The following TTBK2 variants were observed in gnomAD, a reference collection of about 807,000 sequenced individuals.
The protein encoded by TTBK2 is tau tubulin kinase 2.
In TTBK2, 28 loss-of-function variants were observed where a neutral mutation model predicts 110.8. The ratio of observed to expected loss-of-function variants is 0.25; its 90% CI spans 0.19 to 0.35. TTBK2 has a LOEUF of 0.35. Among genes scored for constraint, TTBK2 ranks in the 10% least tolerant of loss-of-function variants. TTBK2 has a pLI of 1.00. For missense variants in TTBK2, 1,369 were observed against 1,500.3 expected (o/e 0.91, Z 1.45); for synonymous variants, 532 against 527.3 (o/e 1.01, Z -0.12).
chr15:42,763,097 TATATACGTATATATATATATACAC>T (rs2062056814), intron 13 of TTBK2, among the ~76,000 whole-genome samples: 1 of 119,480 alleles, frequency 8.4e-6, no homozygotes, highest in African/African-American at 3.7e-5. Flanking sequence ...TATATATATA[TATATACGTATATATATATATACAC>T]ATATATATAC....
intron 3 of TTBK2, among the ~76,000 whole-genome samples, chr15:42,846,072 A>G (rs1226047556): frequency 1.3e-5 from 2 of 152,188 alleles, no homozygotes; most frequent in Non-Finnish European, 2.9e-5. Context: ...TACCTAATAC[A>G]ATGTAAATGC....
Position 42,810,752 on chromosome 15 carries a change from G to T in TTBK2, c.697-13C>A. On this transcript the variant is annotated splice_polypyrimidine_tract_variant and intron_variant, in intron 8 of 14. Coordinates refer to ENST00000267890, the MANE Select transcript of TTBK2 (RefSeq NM_173500.4). Reference sequence around the variant, plus strand: ...AGCCTACTTGCTCCTGGGAAGTAAAGAGAAAAAGAGCTACAGTCAATTTCT... The same window carrying T: ...AGCCTACTTGCTCCTGGGAAGTAAATAGAAAAAGAGCTACAGTCAATTTCT... The T allele has an allele frequency of 6.2e-7, 1 of 1,613,302 alleles. No homozygotes were observed. The highest frequency in any genetic ancestry group is 8.5e-7 in the Non-Finnish European group (1 of 1,179,732).
intron 1 of TTBK2, among the ~76,000 whole-genome samples, chr15:42,913,118 C>A (rs1359210949): frequency 8.5e-6 from 1 of 117,880 alleles, no homozygotes; most frequent in Non-Finnish European, 1.6e-5. Context: ...GGCGACAGAG[C>A]GAGACTCCGT....
intron 9 of TTBK2, chr15:42,798,122 G>C: frequency 2.3e-6 from 1 of 426,984 alleles, no homozygotes; most frequent in Non-Finnish European, 4.7e-6. Flanking sequence ...GACCTCAGGT[G>C]ATCCACCCAC....
chr15:42,825,355 T>C (rs1000100463), intron 6 of TTBK2, among the ~76,000 whole-genome samples: 1 of 152,058 alleles, frequency 6.6e-6, no homozygotes, highest in African/African-American at 2.4e-5. Context: ...ATGGAGAGTA[T>C]GTCAAGGGCT....
chr15:42,832,477 C>T (rs572382007), intron 4 of TTBK2, among the ~76,000 whole-genome samples: 7 of 152,112 alleles, frequency 4.6e-5, no homozygotes, highest in South Asian at 2.1e-4. Flanking sequence ...CATGCAGGTA[C>T]GCACTAAATT....
At chr15:42,771,834 G>A (rs1889691239) in intron 13 of TTBK2, among the ~76,000 whole-genome samples, 1 of 152,096 alleles carries the variant, frequency 6.6e-6, no homozygotes, top group Non-Finnish European at 1.5e-5. Flanking sequence ...GGTGTAAGGT[G>A]TAATCTCCTG....
intron 7 of TTBK2, among the ~76,000 whole-genome samples, chr15:42,815,766 C>T (rs1891911576): frequency 6.7e-6 from 1 of 148,914 alleles, no homozygotes; most frequent in African/African-American, 2.5e-5. Flanking sequence ...AATGATGACT[C>T]CCACATTTCA....
At chr15:42,813,739 G>A (rs1891823307) in intron 7 of TTBK2, among the ~76,000 whole-genome samples, 1 of 149,508 alleles carries the variant, frequency 6.7e-6, no homozygotes, top group African/African-American at 2.5e-5. Context: ...CCAGCTACTC[G>A]GGAGGCTGAG....
intron 1 of TTBK2, among the ~76,000 whole-genome samples, chr15:42,898,757 T>A (rs182627699): frequency 6.6e-6 from 1 of 152,328 alleles, no homozygotes; most frequent in Non-Finnish European, 1.5e-5. Context: ...TGGTAGATAA[T>A]GACTACAACT....
intron 7 of TTBK2, among the ~76,000 whole-genome samples, chr15:42,816,325 C>G (rs1482939405): frequency 6.6e-6 from 1 of 150,784 alleles, no homozygotes; most frequent in Non-Finnish European, 1.5e-5. Flanking sequence ...CTATGCTGGT[C>G]AGGCTGGTCT....
At chr15:42,848,904 C>CT (rs1175475630) in intron 3 of TTBK2, among the ~76,000 whole-genome samples, 1 of 152,168 alleles carries the variant, frequency 6.6e-6, no homozygotes, top group African/African-American at 2.4e-5. Flanking sequence ...AATATGGTTG[C>CT]TTTTTGTGGC....
intron 10 of TTBK2, among the ~76,000 whole-genome samples, chr15:42,788,292 T>C (rs979727758): frequency 6.6e-6 from 1 of 152,198 alleles, no homozygotes; most frequent in Non-Finnish European, 1.5e-5. Context: ...ACTACTTACA[T>C]GTTTGTTTGT....
chr15:42,905,846 G>A (rs2141200353), intron 1 of TTBK2, among the ~76,000 whole-genome samples: 1 of 152,238 alleles, frequency 6.6e-6, no homozygotes, highest in East Asian at 1.9e-4. Context: ...AAAGTGCTAA[G>A]ATATATGTAA....
intron 13 of TTBK2, among the ~76,000 whole-genome samples, chr15:42,774,427 C>G: frequency 6.6e-6 from 1 of 152,150 alleles, no homozygotes; most frequent in Non-Finnish European, 1.5e-5. Flanking sequence ...CCACTGTTTA[C>G]TGGTAACAGG....
At chr15:42,747,714 T>C (rs989180475) in intron 14 of TTBK2, among the ~76,000 whole-genome samples, 3 of 152,170 alleles carry the variant, frequency 2.0e-5, no homozygotes, top group African/African-American at 7.2e-5. Flanking sequence ...TATATTTTAG[T>C]GGCAATGCCA....
At position 42,856,636 on chromosome 15, in the gene TTBK2, C is replaced by T. The variant is rs181372902; in HGVS notation, c.217+15975G>A. Among the ~76,000 whole-genome samples the T allele has an allele frequency of 4.8e-4, 73 of 151,750 alleles. 1 individual carries two copies. Among genetic ancestry groups the T allele is most frequent in the African/African-American group, 1.4e-3 (57 of 41,370 alleles). Reference sequence around the variant, plus strand: ...TAAGAAAAGAATCACTTTGGGAGGCCGAAACAAAAAGATCATTTGAGGCCA... The same window carrying T: ...TAAGAAAAGAATCACTTTGGGAGGCTGAAACAAAAAGATCATTTGAGGCCA... On this transcript the variant is annotated intron_variant, in intron 3 of 14. Transcript: ENST00000267890.
chr15:42,917,684 CAA>C (rs145784296), intron 1 of TTBK2, among the ~76,000 whole-genome samples: 5 of 111,682 alleles, frequency 4.5e-5, no homozygotes, highest in African/African-American at 1.0e-4. Flanking sequence ...TGCTGGATGA[CAA>C]AAAAAAAAAA....
chr15:42,790,168 C>T (rs1890592962), intron 10 of TTBK2, among the ~76,000 whole-genome samples: 1 of 152,084 alleles, frequency 6.6e-6, no homozygotes, highest in South Asian at 2.1e-4. Context: ...AGACCTGAGA[C>T]TATAAAACTC....
Sources: gnomAD v4.1 joint callset for allele counts (sites outside exome capture counted in the v4.1 genomes callset) on GRCh38, gnomAD v4.1.1 for gene constraint, MANE v1.5 for transcripts, NCBI Gene and HGNC (gene_info 2026-07-23, HGNC 2026-07-21) for gene names.